BAZ2B: variants seen among roughly 807,000 people sequenced by gnomAD.
The protein encoded by BAZ2B is bromodomain adjacent to zinc finger domain protein 2B.
BAZ2B carries 91 observed loss-of-function variants against 246.0 expected under a neutral mutation model. The observed-to-expected ratio is 0.37, with a 90% CI of 0.31 to 0.44. The LOEUF (loss-of-function observed/expected upper bound fraction) is 0.44. Ranked by LOEUF, BAZ2B falls within the 20% of genes least tolerant of loss-of-function variation. The probability of loss-of-function intolerance (pLI) is 1.00; values close to 1 mark genes in which losing one functional copy is unlikely to be tolerated. For synonymous variants in BAZ2B, 855 were observed against 860.0 expected, an observed-to-expected ratio of 0.99 and a Z score of 0.10; for missense variants, 2,332 against 2,533.7, an observed-to-expected ratio of 0.92 and a Z score of 1.71.
At chr2:159,497,926 C>G (rs2081330647) in intron 2 of BAZ2B, among the ~76,000 whole-genome samples, 1 of 152,154 alleles carries the variant, frequency 6.6e-6, no homozygotes, top group Non-Finnish European at 1.5e-5. Flanking sequence ...AATATACGCC[C>G]TAGTGTTCCT....
chr2:159,546,075 T>C (rs2087297449), intron 2 of BAZ2B, among the ~76,000 whole-genome samples: 1 of 152,190 alleles, frequency 6.6e-6, no homozygotes, highest in Non-Finnish European at 1.5e-5. Context: ...ATAAAAATGG[T>C]ACTGACTGCT....
intron 1 of BAZ2B, among the ~76,000 whole-genome samples, chr2:159,567,816 A>G (rs1480477019): frequency 6.6e-6 from 1 of 152,094 alleles, no homozygotes; most frequent in Non-Finnish European, 1.5e-5. Flanking sequence ...TACTAAAAAT[A>G]CAAAAATTAG....
chr2:159,367,602 G>A (rs767233109), intron 27 of BAZ2B, among the ~76,000 whole-genome samples: 16 of 151,932 alleles, frequency 1.1e-4, no homozygotes, highest in Non-Finnish European at 1.0e-4. Flanking sequence ...TAATAAATAA[G>A]CAGCTGGGCA....
chr2:159,678,800 C>T, the BAZ2B span, among the ~76,000 whole-genome samples: 1 of 152,178 alleles, frequency 6.6e-6, no homozygotes, highest in African/African-American at 2.4e-5. Context: ...CATACACCTC[C>T]AAAATCCCTT....
intron 2 of BAZ2B, among the ~76,000 whole-genome samples, chr2:159,527,053 C>T (rs1291969520): frequency 1.3e-5 from 2 of 151,850 alleles, no homozygotes; most frequent in Non-Finnish European, 2.9e-5. Flanking sequence ...ATATCTTTGC[C>T]AGCAATTCAT....
chr2:159,356,543 G>A lies in BAZ2B; in HGVS notation c.4214-6186C>T, dbSNP rs2059133024. On this transcript the variant is annotated intron_variant, in intron 27 of 36. Coordinates refer to ENST00000392783, the MANE Select transcript of BAZ2B (RefSeq NM_013450.4). The stretch of plus-strand genomic sequence containing the variant: ...TCCCTGGGGGAAGATGCAGCTGTGG[G>A]CACAGCTTCAGCAGACTTAAACGTT... Among the ~76,000 whole-genome samples the A allele has an allele frequency of 2.0e-5, 3 of 152,286 alleles. No homozygotes were observed. In the South Asian group the frequency reaches 6.2e-4, roughly 32 times the overall value.
At chr2:159,479,076 T>A (rs1398537249) in intron 2 of BAZ2B, among the ~76,000 whole-genome samples, 4 of 152,130 alleles carry the variant, frequency 2.6e-5, no homozygotes, top group Admixed American at 6.6e-5. Context: ...AGAATTCCTA[T>A]GTTACCTTAA....
At chr2:159,486,629 A>G (rs1411660740) in intron 2 of BAZ2B, among the ~76,000 whole-genome samples, 6 of 149,244 alleles carry the variant, frequency 4.0e-5, no homozygotes, top group Non-Finnish European at 8.9e-5. Flanking sequence ...TCACCCTCAC[A>G]TTAGGTTTGT....
chr2:159,447,888 G>T (rs1577136509), intron 5 of BAZ2B, among the ~76,000 whole-genome samples: 1 of 152,182 alleles, frequency 6.6e-6, no homozygotes, highest in Non-Finnish European at 1.5e-5. Flanking sequence ...TGAGGTGTGA[G>T]TATTGCTTGA....
the BAZ2B span, among the ~76,000 whole-genome samples, chr2:159,634,523 T>C: frequency 6.6e-6 from 1 of 152,214 alleles, no homozygotes; most frequent in Admixed American, 6.5e-5. Context: ...TTGTTGATAT[T>C]ATACTGTCCA....
chr2:159,679,008 C>G, the BAZ2B span, among the ~76,000 whole-genome samples: 1 of 152,162 alleles, frequency 6.6e-6, no homozygotes, highest in African/African-American at 2.4e-5. Context: ...CGCGGTGGCT[C>G]ACGCCTGTAA....
chr2:159,348,727 A>T lies in BAZ2B; in HGVS notation c.5244T>A (p.Ile1748=). 1 of 1,612,836 alleles carries T rather than the reference A, an allele frequency of 6.2e-7. No individual in the cohort carries two copies. Among genetic ancestry groups the T allele is most frequent in the Non-Finnish European group, 8.5e-7 (1 of 1,179,708 alleles). ...GAGTAATATAATCCAAATGTTTCTGAATTTGTTTTTGTAATGCCTTTTCTC... is the reference window on the plus strand; with the variant it reads ...GAGTAATATAATCCAAATGTTTCTGTATTTGTTTTTGTAATGCCTTTTCTC... The part of the protein sequence containing the change: ...GIREKALQKQ[I]QKHLDYITQA... Residue 1748 remains isoleucine, a synonymous_variant, in exon 30 of 37, where the codon ATT becomes ATA. Transcript: ENST00000392783.
chr2:159,463,727 CAG>C (rs2076695711), intron 3 of BAZ2B: 2 of 151,886 alleles, frequency 1.3e-5, no homozygotes, highest in Non-Finnish European at 1.5e-5. Flanking sequence ...TTTTTTGAGA[CAG>C]AGTCTTGCCC....
intron 8 of BAZ2B, 45 bp downstream of exon 8, chr2:159,438,258 C>A: frequency 2.0e-6 from 3 of 1,519,650 alleles, no homozygotes; most frequent in Non-Finnish European, 2.7e-6. Flanking sequence ...GAAGCTCTAT[C>A]TTTCTCTAAT....
chr2:159,429,639 T>C (rs1008736325), intron 10 of BAZ2B, among the ~76,000 whole-genome samples: 1 of 152,156 alleles, frequency 6.6e-6, no homozygotes, highest in South Asian at 2.1e-4. Flanking sequence ...CTGAAAAATT[T>C]CAACAGCTGG....
rs149282481 is a variant in BAZ2B, at chr2:159,585,365, G to A, written c.-45-29500C>T. On this transcript the variant is annotated intron_variant, in intron 1 of 36. Transcript: ENST00000392783. ...GGGATATAGTTGCAAAAAATACAAT[G>A]ATTTACAATTAGGGGATCCATCTTC... Among the ~76,000 whole-genome samples the A allele has an allele frequency of 2.9e-3, 438 of 152,210 alleles. No individual in the cohort carries two copies. The Middle Eastern group carries it at 0.044, about 15-fold the overall frequency.
chr2:159,682,916 C>CT, the BAZ2B span, among the ~76,000 whole-genome samples: 1 of 148,628 alleles, frequency 6.7e-6, no homozygotes. Flanking sequence ...CCCTCCCCCC[C>CT]CCCACACACA....
chr2:159,480,607 T>TA (rs1251494271), intron 2 of BAZ2B, among the ~76,000 whole-genome samples: 1 of 151,976 alleles, frequency 6.6e-6, no homozygotes, highest in African/African-American at 2.4e-5. Flanking sequence ...CACTCACAGA[T>TA]AAAGTATCAT....
At chr2:159,659,789 T>C in the BAZ2B span, among the ~76,000 whole-genome samples, 1 of 152,202 alleles carries the variant, frequency 6.6e-6, no homozygotes, top group Non-Finnish European at 1.5e-5. Flanking sequence ...CTGCTTTGGG[T>C]TGATTTCCAG....
Sources: gnomAD v4.1 joint callset for allele counts (sites outside exome capture counted in the v4.1 genomes callset) on GRCh38, gnomAD v4.1.1 for gene constraint, MANE v1.5 for transcripts, NCBI Gene and HGNC (gene_info 2026-07-23, HGNC 2026-07-21) for gene names.